The following GPD2 variants were observed in gnomAD, a reference collection of about 807,000 sequenced individuals.
The protein encoded by GPD2 is glycerol-3-phosphate dehydrogenase, mitochondrial.
Under a neutral mutation model 82.4 loss-of-function variants are expected in GPD2, and 54 were observed. That is an observed-to-expected ratio of 0.66 (90% CI 0.53 to 0.82). The LOEUF (loss-of-function observed/expected upper bound fraction) is 0.82. Ranked by LOEUF, GPD2 falls within the 40% of genes least tolerant of loss-of-function variation. The pLI is 0.00. For synonymous variants in GPD2, 288 were observed against 306.1 expected, an observed-to-expected ratio of 0.94 and a Z score of 0.62; for missense variants, 748 against 896.2, an observed-to-expected ratio of 0.83 and a Z score of 2.11.
At chr2:156,433,351 T>C (rs1222568556), upstream of GPD2, among the ~76,000 whole-genome samples, 1 of 152,160 alleles carries the variant, frequency 6.6e-6, no homozygotes, top group Non-Finnish European at 1.5e-5. Context: ...GCTTGAGATA[T>C]TTTGCAGACC....
intron 1 of GPD2, among the ~76,000 whole-genome samples, chr2:156,449,112 A>G (rs1682464433): frequency 6.6e-6 from 1 of 152,246 alleles, no homozygotes; most frequent in Non-Finnish European, 1.5e-5. Flanking sequence ...CTGGTAATTC[A>G]GAATAACCTT....
intron 2 of GPD2, among the ~76,000 whole-genome samples, chr2:156,491,400 A>C (rs1684169400): frequency 6.6e-6 from 1 of 152,252 alleles, no homozygotes; most frequent in Non-Finnish European, 1.5e-5. Context: ...CTTTGTTTAC[A>C]ACAACAGGGA....
intron 1 of GPD2, among the ~76,000 whole-genome samples, chr2:156,447,341 T>C (rs1206024051): frequency 2.0e-5 from 3 of 152,116 alleles, no homozygotes; most frequent in African/African-American, 7.2e-5. Flanking sequence ...TCTCTCTCTT[T>C]TTTTTTTTCC....
chr2:156,505,014 G>C (rs1193417651), intron 3 of GPD2, among the ~76,000 whole-genome samples: 2 of 152,058 alleles, frequency 1.3e-5, no homozygotes, highest in African/African-American at 2.4e-5. Flanking sequence ...TGCATAATAA[G>C]ATAATCAGTA....
intron 2 of GPD2, chr2:156,495,735 A>G: frequency 2.5e-6 from 1 of 396,782 alleles, no homozygotes; most frequent in Non-Finnish European, 5.0e-6. Flanking sequence ...GCCTTAGATA[A>G]GGTATTTGGG....
intron 1 of GPD2, among the ~76,000 whole-genome samples, chr2:156,469,781 T>A (rs1573900727): frequency 6.6e-6 from 1 of 152,196 alleles, no homozygotes; most frequent in East Asian, 1.9e-4. Context: ...GGCATAAGAA[T>A]CAAAACCCTG....
the GPD2 span, among the ~76,000 whole-genome samples, chr2:156,423,485 G>C: frequency 6.6e-6 from 1 of 152,056 alleles, no homozygotes; most frequent in African/African-American, 2.4e-5. Flanking sequence ...AGGCATTTAT[G>C]GGATTTTTCT....
intron 3 of GPD2, among the ~76,000 whole-genome samples, chr2:156,496,465 A>G (rs1182310830): frequency 6.6e-6 from 1 of 151,954 alleles, no homozygotes; most frequent in Admixed American, 6.6e-5. Flanking sequence ...GCTCAGAGGT[A>G]AGTCTTGATG....
chr2:156,425,538 T>A, the GPD2 span, among the ~76,000 whole-genome samples: 1 of 152,242 alleles, frequency 6.6e-6, no homozygotes, highest in African/African-American at 2.4e-5. Flanking sequence ...TTGACTATAA[T>A]TTATACCTAA....
intron 2 of GPD2, among the ~76,000 whole-genome samples, chr2:156,493,447 G>A (rs1380613521): frequency 6.6e-6 from 1 of 152,080 alleles, no homozygotes; most frequent in African/African-American, 2.4e-5. Flanking sequence ...GTTTATTATT[G>A]TTGAGACTGA....
At chr2:156,441,229 C>CT (rs1169392960) in intron 1 of GPD2, among the ~76,000 whole-genome samples, 2 of 152,116 alleles carry the variant, frequency 1.3e-5, no homozygotes, top group Non-Finnish European at 2.9e-5. Flanking sequence ...TGATTTGTGT[C>CT]TTTTTTAATA....
chr2:156,449,240 C>A (rs1250451477), intron 1 of GPD2, among the ~76,000 whole-genome samples: 4 of 151,890 alleles, frequency 2.6e-5, no homozygotes, highest in Non-Finnish European at 4.4e-5. Flanking sequence ...TAACCTACTG[C>A]AGTGAAGGGC....
chr2:156,523,670 C>CTAGA (rs3086039), intron 6 of GPD2, among the ~76,000 whole-genome samples: 42,105 of 146,522 alleles, frequency 0.29, 6,008 homozygotes, highest in East Asian at 0.32. Context: ...AATTTCTTTT[C>CTAGA]TAGATAGATA....
At chr2:156,527,394 A>C (rs993904460) in intron 6 of GPD2, among the ~76,000 whole-genome samples, 10 of 152,150 alleles carry the variant, frequency 6.6e-5, no homozygotes, top group African/African-American at 2.4e-4. Flanking sequence ...CATTATTACT[A>C]TTAATACTTA....
intron 6 of GPD2, among the ~76,000 whole-genome samples, chr2:156,523,881 C>T (rs1428443393): frequency 2.0e-5 from 3 of 152,170 alleles, no homozygotes; most frequent in Non-Finnish European, 4.4e-5. Flanking sequence ...TGGTTATGTT[C>T]ACATGTCCCT....
At chr2:156,417,872 C>G in the GPD2 span, among the ~76,000 whole-genome samples, 2 of 151,704 alleles carry the variant, frequency 1.3e-5, no homozygotes, top group South Asian at 2.1e-4. Flanking sequence ...AACAGAGACC[C>G]TATCTCTAAA....
chr2:156,454,353 A>G (rs1316313577), intron 1 of GPD2, among the ~76,000 whole-genome samples: 1 of 152,168 alleles, frequency 6.6e-6, no homozygotes, highest in East Asian at 1.9e-4. Context: ...GGCTGAAACT[A>G]GACCTAAGTA....
chr2:156,521,219 A>G (rs978799193), intron 6 of GPD2, among the ~76,000 whole-genome samples: 4 of 152,246 alleles, frequency 2.6e-5, no homozygotes, highest in Non-Finnish European at 5.9e-5. Context: ...AACAACACAG[A>G]TGAATCTTAG....
chr2:156,490,343 C>T (rs528949187), intron 2 of GPD2, among the ~76,000 whole-genome samples: 7 of 148,990 alleles, frequency 4.7e-5, no homozygotes, highest in South Asian at 2.1e-4. Flanking sequence ...CTAAAATAAA[C>T]GTGGTACTTA....
Sources: allele counts gnomAD v4.1 joint callset (sites outside exome capture counted in the v4.1 genomes callset), GRCh38; gene constraint gnomAD v4.1.1; transcripts MANE v1.5; gene names NCBI Gene and HGNC (gene_info 2026-07-23, HGNC 2026-07-21).